The following RBFOX1 variants were observed in gnomAD, a reference collection of about 807,000 sequenced individuals.
RBFOX1 encodes RNA binding fox-1 homolog 1, also known as RNA binding protein fox-1 homolog 1.
In RBFOX1, 8 loss-of-function variants were observed where a neutral mutation model predicts 57.7. That is an observed-to-expected ratio of 0.14 (90% CI 0.08 to 0.25). The LOEUF (loss-of-function observed/expected upper bound fraction) is 0.25. Ranked by LOEUF, RBFOX1 falls within the 10% of genes least tolerant of loss-of-function variation. The pLI is 1.00. For missense variants in RBFOX1, 611 were observed against 548.5 expected, an observed-to-expected ratio of 1.11 and a Z score of -1.14; for synonymous variants, 326 against 222.4, an observed-to-expected ratio of 1.47 and a Z score of -4.15.
intron 2 of RBFOX1, among the ~76,000 whole-genome samples, chr16:6,603,409 TCTC>T (rs1438259209): frequency 6.6e-6 from 1 of 152,152 alleles, no homozygotes. Flanking sequence ...AAGGCCACCA[TCTC>T]CTGCACAAAA....
chr16:6,939,764 G>A (rs1401549205), intron 3 of RBFOX1, among the ~76,000 whole-genome samples: 5 of 152,110 alleles, frequency 3.3e-5, no homozygotes, highest in East Asian at 1.9e-4. Context: ...AGCCTGCCTT[G>A]GCCTACCATA....
In RBFOX1 at chr16:6,351,365, TA is replaced by T. The variant is rs1176679757; in HGVS notation, c.-64+34309del. Reference sequence around the variant, plus strand: ...GTGTGTGTGTGTGTATATATATATATATATATATTTTTTTTTTTTTTTCTTG... The same window carrying T: ...GTGTGTGTGTGTGTATATATATATATTATATATTTTTTTTTTTTTTTCTTG... On this transcript the variant is annotated intron_variant, in intron 2 of 15. Coordinates refer to ENST00000550418, the MANE Select transcript of RBFOX1 (RefSeq NM_018723.4). Among the ~76,000 whole-genome samples the T allele has an allele frequency of 9.7e-4, 97 of 99,922 alleles. 1 individual carries two copies. Among genetic ancestry groups the T allele is most frequent in the African/African-American group, 3.8e-3 (78 of 20,510 alleles). 65.6% of individuals were successfully genotyped at this position (99,922 alleles called of 152,430 possible).
chr16:7,223,322 T>C (rs576487307), intron 4 of RBFOX1, among the ~76,000 whole-genome samples: 1 of 152,356 alleles, frequency 6.6e-6, no homozygotes, highest in African/African-American at 2.4e-5. Flanking sequence ...AAATGATTTT[T>C]CCGTGAGGAT....
chr16:7,264,943 T>G (rs1313704645), intron 4 of RBFOX1, among the ~76,000 whole-genome samples: 1 of 152,226 alleles, frequency 6.6e-6, no homozygotes, highest in Non-Finnish European at 1.5e-5. Flanking sequence ...TCCAACACTT[T>G]CCATCTTCCA....
At chr16:6,776,255 C>G (rs575512754) in intron 3 of RBFOX1, among the ~76,000 whole-genome samples, 3 of 151,390 alleles carry the variant, frequency 2.0e-5, no homozygotes, top group African/African-American at 2.4e-5. Context: ...ACTAAAAATA[C>G]AAAAAATTAG....
At chr16:6,078,702 C>T (rs768814715) in intron 1 of RBFOX1, among the ~76,000 whole-genome samples, 2 of 152,186 alleles carry the variant, frequency 1.3e-5, no homozygotes, top group African/African-American at 4.8e-5. Context: ...ACACCCTGCA[C>T]GTAGCAAGGG....
At chr16:6,421,328 A>G (rs959726916) in intron 2 of RBFOX1, among the ~76,000 whole-genome samples, 1 of 152,194 alleles carries the variant, frequency 6.6e-6, no homozygotes, top group Non-Finnish European at 1.5e-5. Flanking sequence ...TTGATTTTTA[A>G]AAGGAAAATC....
chr16:6,675,056 C>G lies in RBFOX1; in HGVS notation c.-16+20406C>G, dbSNP rs535992298. On this transcript the variant is annotated intron_variant, in intron 3 of 15. Coordinates refer to ENST00000550418, the MANE Select transcript of RBFOX1 (RefSeq NM_018723.4). ...CATTAGCTGGGACTACAGGTATGTG[C>G]CACCACACCCACTAATTTTTGTATT... Among the ~76,000 whole-genome samples, 17 of 152,180 alleles carry G rather than the reference C, an allele frequency of 1.1e-4. No homozygotes were observed. The East Asian group carries it at 3.3e-3, about 30-fold the overall frequency.
In RBFOX1 at chr16:5,327,636, C is replaced by G. The variant is rs537507414; in HGVS notation, c.219+87531C>G. On this transcript the variant is annotated intron_variant, in intron 1 of 2. Transcript: ENST00000585867. Reference sequence around the variant, plus strand: ...GCAAACATCCTCCCCTACTTCCCCACTACATGCCAAGGGCCAGAGCTTCCT... The same window carrying G: ...GCAAACATCCTCCCCTACTTCCCCAGTACATGCCAAGGGCCAGAGCTTCCT... 7.2e-5 allele frequency among the ~76,000 whole-genome samples: 11 copies of G among 152,282 alleles called. No homozygotes were observed. In the East Asian group the frequency reaches 1.9e-3, roughly 27 times the overall value.
At chr16:6,632,347 A>G (rs181658976) in intron 2 of RBFOX1, among the ~76,000 whole-genome samples, 48 of 152,266 alleles carry the variant, frequency 3.2e-4, no homozygotes, top group African/African-American at 1.1e-3. Context: ...GAAAAAAAAA[A>G]AAGGTCTGAA....
At chr16:6,562,117 A>G (rs1015790743) in intron 2 of RBFOX1, among the ~76,000 whole-genome samples, 1 of 152,210 alleles carries the variant, frequency 6.6e-6, no homozygotes, top group African/African-American at 2.4e-5. Context: ...GCATGGGTAG[A>G]GAATTAGACT....
At position 5,947,443 on chromosome 16, in the gene RBFOX1, C is replaced by G. The variant is rs1487954095; in HGVS notation, c.351+80108C>G. Reference sequence around the variant, plus strand: ...AGTGCATTGGTATGATCATGGCTCACTACAGCCTCGAAATCTTGTGCTCAA... The same window carrying G: ...AGTGCATTGGTATGATCATGGCTCAGTACAGCCTCGAAATCTTGTGCTCAA... On this transcript the variant is annotated intron_variant, in intron 4 of 19. Transcript: ENST00000641259. The surrounding 1 kb of genome is among the most constrained non-coding windows in gnomAD (Gnocchi z 7.2). 3.3e-5 allele frequency among the ~76,000 whole-genome samples: 5 copies of G among 152,148 alleles called. No homozygotes were observed. The highest frequency in any genetic ancestry group is 7.3e-5 in the Non-Finnish European group (5 of 68,048).
chr16:6,115,125 C>G (rs9927421), intron 1 of RBFOX1, among the ~76,000 whole-genome samples: 1 of 151,924 alleles, frequency 6.6e-6, no homozygotes, highest in African/African-American at 2.4e-5. Context: ...GCTAACGAGC[C>G]GTGAGGGTAT....
At chr16:6,963,503 C>A (rs996647143) in intron 3 of RBFOX1, among the ~76,000 whole-genome samples, 1 of 152,048 alleles carries the variant, frequency 6.6e-6, no homozygotes, top group African/African-American at 2.4e-5. Flanking sequence ...GTTAGAGGAT[C>A]TGATTTGTTT....
chr16:5,911,938 G>A (rs2058611533), intron 4 of RBFOX1, among the ~76,000 whole-genome samples: 1 of 152,086 alleles, frequency 6.6e-6, no homozygotes, highest in African/African-American at 2.4e-5. Context: ...GAATTTTGAG[G>A]GGACACAAAC....
At chr16:5,408,298 A>G (rs1474000737) in intron 1 of RBFOX1, among the ~76,000 whole-genome samples, 1 of 152,200 alleles carries the variant, frequency 6.6e-6, no homozygotes, top group Non-Finnish European at 1.5e-5. Flanking sequence ...TAAGTGCTTG[A>G]ACTCAGCTCC....
At chr16:7,372,963 G>C (rs527927187) in intron 4 of RBFOX1, among the ~76,000 whole-genome samples, 2 of 149,138 alleles carry the variant, frequency 1.3e-5, no homozygotes, top group East Asian at 4.0e-4. Flanking sequence ...ATGGAGTCTT[G>C]CTCTGTTGCC....
chr16:5,550,114 C>A (rs1204028173), intron 2 of RBFOX1, among the ~76,000 whole-genome samples: 1 of 152,180 alleles, frequency 6.6e-6, no homozygotes, highest in Non-Finnish European at 1.5e-5. Flanking sequence ...ATCAGTTACA[C>A]TGGAACAAAT....
In RBFOX1 at chr16:7,219,305, C is replaced by G. The variant is rs575826815; in HGVS notation, c.27+167207C>G. Among the ~76,000 whole-genome samples the G allele has an allele frequency of 4.5e-4, 69 of 152,270 alleles. 2 individuals are homozygous for G. In the South Asian group the frequency reaches 0.014, roughly 30 times the overall value. ...CAAAGTTAAGGACTGTAAGACACAG[C>G]AAATAAATAGAGATGCTTTTAATGA... On this transcript the variant is annotated intron_variant, in intron 4 of 15. Transcript: ENST00000550418.
Sources: gnomAD v4.1 joint callset for allele counts (sites outside exome capture counted in the v4.1 genomes callset) on GRCh38, gnomAD v4.1.1 for gene constraint, Gnocchi (gnomAD v3.1) non-coding constraint, MANE v1.5 for transcripts, NCBI Gene and HGNC (gene_info 2026-07-23, HGNC 2026-07-21) for gene names.